Variants in ASIC2 observed in about 807,000 individuals in gnomAD.
ASIC2 encodes acid sensing ion channel subunit 2.
ASIC2 carries 25 observed loss-of-function variants against 57.3 expected under a neutral mutation model. The observed-to-expected ratio is 0.44, with a 90% CI of 0.32 to 0.61. The LOEUF is 0.61. Ranked by LOEUF, ASIC2 falls within the 20% of genes least tolerant of loss-of-function variation. The probability of loss-of-function intolerance (pLI) is 0.06; values close to 1 mark genes in which losing one functional copy is unlikely to be tolerated. For synonymous variants in ASIC2, 319 were observed against 307.5 expected, an observed-to-expected ratio of 1.04 and a Z score of -0.39; for missense variants, 641 against 738.1, an observed-to-expected ratio of 0.87 and a Z score of 1.52.
chr17:34,027,603 C>T (rs997161855), intron 1 of ASIC2, among the ~76,000 whole-genome samples: 1 of 152,228 alleles, frequency 6.6e-6, no homozygotes, highest in East Asian at 1.9e-4. Context: ...CTTTTGTACA[C>T]TGCTAGTTCC....
At chr17:33,750,815 A>G (rs571485749) in intron 1 of ASIC2, among the ~76,000 whole-genome samples, 1 of 152,158 alleles carries the variant, frequency 6.6e-6, no homozygotes, top group East Asian at 1.9e-4. Flanking sequence ...CTTACACCCA[A>G]CCAGAAGCTT....
intron 1 of ASIC2, among the ~76,000 whole-genome samples, chr17:33,836,506 C>T (rs991531620): frequency 2.0e-5 from 3 of 152,038 alleles, no homozygotes; most frequent in Admixed American, 2.0e-4. Flanking sequence ...CTTTAAGAGG[C>T]AAATACTATT....
At chr17:33,699,996 A>C (rs1264815401) in intron 1 of ASIC2, among the ~76,000 whole-genome samples, 1 of 147,202 alleles carries the variant, frequency 6.8e-6, no homozygotes, top group Non-Finnish European at 1.5e-5. Context: ...AATGGAAAAA[A>C]AAACCCTGAA....
chr17:34,045,013 A>G (rs1908286108), intron 1 of ASIC2, among the ~76,000 whole-genome samples: 1 of 152,212 alleles, frequency 6.6e-6, no homozygotes, highest in South Asian at 2.1e-4. Flanking sequence ...TTGGATGAGG[A>G]AAATGATTCC....
Position 33,991,395 on chromosome 17 carries a change from A to G in ASIC2, c.555+164583T>C, listed in dbSNP as rs115522332. Among the ~76,000 whole-genome samples the G allele has an allele frequency of 9.5e-3, 1,451 of 152,282 alleles. 16 individuals are homozygous for G. Among genetic ancestry groups the G allele is most frequent in the African/African-American group, 0.033 (1,387 of 41,550 alleles). On this transcript the variant is annotated intron_variant, in intron 1 of 9. Transcript: ENST00000359872. ...CCCAGTCAAGTTCTCTTTCTACACT[A>G]CCACTGTGTCTTTTAAATGAACCCT... is the stretch of plus-strand genomic sequence containing the variant.
chr17:33,545,267 C>T (rs1020725573), intron 1 of ASIC2, among the ~76,000 whole-genome samples: 9 of 152,108 alleles, frequency 5.9e-5, no homozygotes, highest in African/African-American at 1.9e-4. Context: ...ATGCACATAA[C>T]CCAGCTGAAG....
intron 2 of ASIC2, among the ~76,000 whole-genome samples, chr17:33,105,377 T>G (rs2092230907): frequency 6.6e-6 from 1 of 152,226 alleles, no homozygotes; most frequent in Non-Finnish European, 1.5e-5. Flanking sequence ...AAGATGTGCC[T>G]TTGCTCCTCC....
Position 33,767,914 on chromosome 17 carries a change from TCAAA to T in ASIC2, c.555+388060_555+388063del, listed in dbSNP as rs544630010. ...CTTCACTGATTCAGTTCCAATGTAC[TCAAA>T]CAGTGTAACATCTACATAAATTCTA... On this transcript the variant is annotated intron_variant, in intron 1 of 9. Transcript: ENST00000359872. 6.6e-5 allele frequency among the ~76,000 whole-genome samples: 10 copies of T among 152,324 alleles called. No individual in the cohort carries two copies. The South Asian group carries it at 1.9e-3, about 28-fold the overall frequency.
intron 1 of ASIC2, among the ~76,000 whole-genome samples, chr17:33,732,940 C>CA (rs1461792648): frequency 2.6e-5 from 4 of 152,156 alleles, no homozygotes; most frequent in African/African-American, 9.7e-5. Flanking sequence ...GCCCAGCCCC[C>CA]TAATGTCAAT....
intron 1 of ASIC2, among the ~76,000 whole-genome samples, chr17:33,260,674 C>A (rs1325295818): frequency 6.6e-6 from 1 of 152,196 alleles, no homozygotes; most frequent in Non-Finnish European, 1.5e-5. Flanking sequence ...CCCGGCTGAA[C>A]CCTGCAGGCC....
intron 1 of ASIC2, chr17:33,932,723 A>AG (rs1915962281): frequency 9.5e-6 from 1 of 105,748 alleles, no homozygotes. Flanking sequence ...CAAAAAAAAA[A>AG]AAAAAAAAAA....
At chr17:33,974,890 T>A (rs1380791945) in intron 1 of ASIC2, among the ~76,000 whole-genome samples, 2 of 152,174 alleles carry the variant, frequency 1.3e-5, no homozygotes, top group Non-Finnish European at 2.9e-5. Context: ...ATCCCTCAGC[T>A]TTTCCTGTCT....
intron 1 of ASIC2, among the ~76,000 whole-genome samples, chr17:34,077,076 T>C (rs1197678741): frequency 6.6e-6 from 1 of 152,226 alleles, no homozygotes; most frequent in Non-Finnish European, 1.5e-5. Flanking sequence ...TTGCCCAAGA[T>C]GGTCCTGTGA....
intron 1 of ASIC2, among the ~76,000 whole-genome samples, chr17:34,149,881 C>A (rs1904444422): frequency 6.6e-6 from 1 of 152,168 alleles, no homozygotes; most frequent in South Asian, 2.1e-4. Flanking sequence ...AGCAATCCCA[C>A]TACTGGGTAT....
chr17:33,667,058 T>G (rs912543932), intron 1 of ASIC2, among the ~76,000 whole-genome samples: 12 of 152,220 alleles, frequency 7.9e-5, no homozygotes, highest in African/African-American at 2.9e-4. Context: ...ACAGGTGGAC[T>G]ATGGGACTTA....
chr17:33,479,155 C>G (rs1239711346), intron 1 of ASIC2, among the ~76,000 whole-genome samples: 2 of 152,012 alleles, frequency 1.3e-5, no homozygotes, highest in Non-Finnish European at 2.9e-5. Context: ...CGCACCACCA[C>G]GCCCAGCTAA....
chr17:33,984,944 C>T (rs1905763873), intron 1 of ASIC2, among the ~76,000 whole-genome samples: 1 of 152,144 alleles, frequency 6.6e-6, no homozygotes, highest in Admixed American at 6.5e-5. Context: ...TTCTAGAGGA[C>T]ACCAGAAACT....
chr17:33,997,520 T>C (rs745325230), intron 1 of ASIC2, among the ~76,000 whole-genome samples: 1 of 152,066 alleles, frequency 6.6e-6, no homozygotes, highest in Non-Finnish European at 1.5e-5. Flanking sequence ...GCTTCTCATA[T>C]ATGGTGTTTA....
chr17:33,589,767 C>G (rs992481171), intron 1 of ASIC2, among the ~76,000 whole-genome samples: 20 of 152,180 alleles, frequency 1.3e-4, no homozygotes, highest in African/African-American at 4.6e-4. Context: ...TTTAGCCATT[C>G]AACTGTTGAT....
Sources: allele counts gnomAD v4.1 joint callset (sites outside exome capture counted in the v4.1 genomes callset), GRCh38; gene constraint gnomAD v4.1.1; transcripts MANE v1.5; gene names NCBI Gene and HGNC (gene_info 2026-07-23, HGNC 2026-07-21).